PTCHD4: variants seen among roughly 807,000 people sequenced by gnomAD.
PTCHD4 encodes the protein patched domain containing 4.
Under a neutral mutation model 58.1 loss-of-function variants are expected in PTCHD4, and 33 were observed. The observed-to-expected ratio is 0.57, with a 90% CI of 0.43 to 0.76. The LOEUF (loss-of-function observed/expected upper bound fraction) is 0.76. Ranked by LOEUF, PTCHD4 falls within the 30% of genes least tolerant of loss-of-function variation. The pLI, the probability that PTCHD4 is intolerant of heterozygous loss-of-function variation, is 0.00. For missense variants in PTCHD4, 1,058 were observed against 1,027.1 expected (o/e 1.03, Z -0.41); for synonymous variants, 478 against 409.6 (o/e 1.17, Z -2.02).
At chr6:48,006,856 T>G (rs1762455905) in intron 4 of PTCHD4, among the ~76,000 whole-genome samples, 1 of 152,220 alleles carries the variant, frequency 6.6e-6, no homozygotes, top group Non-Finnish European at 1.5e-5. Flanking sequence ...CTATGAGCTT[T>G]AATTATATAC....
intron 1 of PTCHD4, among the ~76,000 whole-genome samples, chr6:48,099,356 A>G (rs575501553): frequency 2.0e-5 from 3 of 152,288 alleles, no homozygotes; most frequent in Admixed American, 6.5e-5. Context: ...ACTTGGTATC[A>G]TTGCTGTTTG....
At chr6:48,010,260 T>A (rs901375440) in intron 3 of PTCHD4, among the ~76,000 whole-genome samples, 2 of 152,168 alleles carry the variant, frequency 1.3e-5, no homozygotes, top group Non-Finnish European at 2.9e-5. Context: ...CCAAGATGTT[T>A]ATCTAACAAG....
intron 4 of PTCHD4, among the ~76,000 whole-genome samples, chr6:47,915,491 A>G (rs1305097318): frequency 6.6e-6 from 1 of 152,128 alleles, no homozygotes; most frequent in Non-Finnish European, 1.5e-5. Flanking sequence ...AAAGGTGGTT[A>G]CATCAGCTCT....
chr6:47,972,377 C>T (rs771384391), intron 4 of PTCHD4, among the ~76,000 whole-genome samples: 35 of 151,870 alleles, frequency 2.3e-4, no homozygotes, highest in East Asian at 5.8e-4. Context: ...AACTGGGAAA[C>T]GGAGCTATAA....
At chr6:48,097,065 A>T (rs1221244368) in intron 1 of PTCHD4, among the ~76,000 whole-genome samples, 1 of 152,126 alleles carries the variant, frequency 6.6e-6, no homozygotes, top group Non-Finnish European at 1.5e-5. Context: ...TTGTTACTTA[A>T]TTTAAACATT....
intron 4 of PTCHD4, among the ~76,000 whole-genome samples, chr6:47,959,639 G>A (rs893777079): frequency 2.6e-5 from 4 of 151,990 alleles, no homozygotes; most frequent in Non-Finnish European, 4.4e-5. Flanking sequence ...CAGGAATAAA[G>A]AGACAATCAT....
chr6:47,999,271 C>T (rs980129257), intron 4 of PTCHD4, among the ~76,000 whole-genome samples: 2 of 152,202 alleles, frequency 1.3e-5, no homozygotes, highest in African/African-American at 4.8e-5. Context: ...AGTCGTCTGA[C>T]TCTAAGCCTC....
chr6:47,932,930 T>A (rs1473351912), intron 4 of PTCHD4, among the ~76,000 whole-genome samples: 1 of 152,238 alleles, frequency 6.6e-6, no homozygotes, highest in Non-Finnish European at 1.5e-5. Context: ...CTTGGAGTAG[T>A]GCACTGGTAC....
chr6:48,092,006 T>TACAC (rs201644356), intron 1 of PTCHD4, among the ~76,000 whole-genome samples: 2 of 149,450 alleles, frequency 1.3e-5, no homozygotes, highest in Non-Finnish European at 3.0e-5. Flanking sequence ...CACACACACA[T>TACAC]ACACACACAC....
chr6:47,979,573 T>C (rs974577962), intron 4 of PTCHD4, among the ~76,000 whole-genome samples: 18 of 152,050 alleles, frequency 1.2e-4, no homozygotes, highest in Non-Finnish European at 4.4e-5. Flanking sequence ...TAATAACATG[T>C]AGGAAAAATT....
intron 3 of PTCHD4, among the ~76,000 whole-genome samples, chr6:48,062,632 G>T (rs1005767095): frequency 1.3e-5 from 2 of 152,108 alleles, no homozygotes; most frequent in Non-Finnish European, 2.9e-5. Context: ...CCCACTTTGG[G>T]TGCTCAGAAA....
At chr6:48,103,612 CGAGTT>C (rs1469743068) in intron 1 of PTCHD4, among the ~76,000 whole-genome samples, 1 of 152,046 alleles carries the variant, frequency 6.6e-6, no homozygotes, top group Non-Finnish European at 1.5e-5. Context: ...ATGACTTTGA[CGAGTT>C]GAGAGAGGAA....
chr6:47,933,613 C>T (rs1765899183), intron 4 of PTCHD4, among the ~76,000 whole-genome samples: 1 of 152,088 alleles, frequency 6.6e-6, no homozygotes, highest in Non-Finnish European at 1.5e-5. Context: ...GAGTTTTGGC[C>T]TAGTAGGTAG....
intron 4 of PTCHD4, 83 bp downstream of exon 4, chr6:48,008,551 A>T (rs1762547321): frequency 2.8e-6 from 4 of 1,452,700 alleles, no homozygotes; most frequent in Non-Finnish European, 3.7e-6. Context: ...AAATTAAAAC[A>T]GATTTCCACC....
In PTCHD4 at chr6:47,872,938, GA is replaced by G. The variant is rs1278997663; in HGVS notation, c.*5364del. On this transcript the variant is annotated 3_prime_UTR_variant, in exon 5 of 5. Transcript: ENST00000339488. ...GCAATAGAGAGTCCTCATTAAGTAT[GA>G]AAAAAACTGATTAGAAAAAGTGTTC... Among the ~76,000 whole-genome samples, 2 of 151,528 alleles carry G rather than the reference GA, an allele frequency of 1.3e-5. No individual in the cohort carries two copies. The highest frequency in any genetic ancestry group is 3.0e-5 in the Non-Finnish European group (2 of 67,710).
chr6:47,984,609 T>G (rs111971325), intron 4 of PTCHD4, among the ~76,000 whole-genome samples: 41 of 152,112 alleles, frequency 2.7e-4, no homozygotes, highest in African/African-American at 9.2e-4. Flanking sequence ...ATGATTCTTT[T>G]AAATAAGAAA....
intron 3 of PTCHD4, among the ~76,000 whole-genome samples, chr6:48,062,455 C>A (rs888241589): frequency 1.3e-5 from 2 of 151,856 alleles, no homozygotes; most frequent in African/African-American, 4.8e-5. Context: ...CTTTCTATCC[C>A]CACCCCCCAC....
In PTCHD4 at chr6:48,068,717, C is replaced by A; in HGVS notation, c.6-76G>T. 11 of 1,393,366 alleles carry A rather than the reference C, an allele frequency of 7.9e-6. No homozygotes were observed. The highest frequency in any genetic ancestry group is 1.0e-5 in the Non-Finnish European group (11 of 1,049,858). 86.3% of individuals were successfully genotyped at this position (1,393,366 alleles called of 1,614,324 possible). On this transcript the variant is annotated intron_variant, in intron 2 of 4. Coordinates refer to ENST00000339488, the MANE Select transcript of PTCHD4 (RefSeq NM_001384253.1). This position sits in a 1 kb window ranked among gnomAD's most constrained non-coding sequence, Gnocchi z 4.2. ...CCATCCCACCCCCTGGGGCCAGTCC[C>A]CCCTCCCCACCGCCGCCGCCTCCCC...
At chr6:48,086,405 G>A (rs932866240) in intron 1 of PTCHD4, among the ~76,000 whole-genome samples, 5 of 151,838 alleles carry the variant, frequency 3.3e-5, no homozygotes, top group African/African-American at 9.7e-5. Context: ...TGGGCTGTAG[G>A]TGGCAGACTC....
Sources: allele counts gnomAD v4.1 joint callset (sites outside exome capture counted in the v4.1 genomes callset), GRCh38; gene constraint gnomAD v4.1.1; non-coding constraint Gnocchi (gnomAD v3.1); transcripts MANE v1.5; gene names NCBI Gene and HGNC (gene_info 2026-07-23, HGNC 2026-07-21).